Variants in PHF21B observed in about 807,000 individuals in gnomAD.
The protein encoded by PHF21B is PHD finger protein 21B.
PHF21B carries 22 observed loss-of-function variants against 62.2 expected under a neutral mutation model. The ratio of observed to expected loss-of-function variants is 0.35; its 90% confidence interval spans 0.25 to 0.51. The LOEUF is 0.51. Ranked by LOEUF, PHF21B falls within the 20% of genes least tolerant of loss-of-function variation. The pLI is 0.97. For missense variants in PHF21B, 701 were observed against 707.9 expected (o/e 0.99, Z 0.11); for synonymous variants, 341 against 314.7 (o/e 1.08, Z -0.88).
chr22:44,915,121 GCT>G (rs1342612280), intron 4 of PHF21B, among the ~76,000 whole-genome samples: 2 of 152,146 alleles, frequency 1.3e-5, no homozygotes, highest in Non-Finnish European at 2.9e-5. Flanking sequence ...CTTAAGGGAA[GCT>G]CTGTCTTCCT....
At chr22:44,904,523 A>C (rs1019837892) in intron 5 of PHF21B, among the ~76,000 whole-genome samples, 1 of 93,242 alleles carries the variant, frequency 1.1e-5, no homozygotes, top group Non-Finnish European at 2.2e-5. Context: ...GAAGGAACAG[A>C]GCAGCTACTT....
At chr22:44,903,063 C>G (rs1446613624) in intron 5 of PHF21B, among the ~76,000 whole-genome samples, 1 of 152,248 alleles carries the variant, frequency 6.6e-6, no homozygotes, top group African/African-American at 2.4e-5. Context: ...CTTCCCTGTT[C>G]CTGGATGCCT....
At chr22:44,985,770 A>C (rs1208632387) in intron 2 of PHF21B, among the ~76,000 whole-genome samples, 1 of 152,200 alleles carries the variant, frequency 6.6e-6, no homozygotes, top group African/African-American at 2.4e-5. Flanking sequence ...GACAGCTGCC[A>C]TGACCACCAC....
intron 9 of PHF21B, among the ~76,000 whole-genome samples, chr22:44,889,388 C>G (rs2070920393): frequency 6.6e-6 from 1 of 152,142 alleles, no homozygotes; most frequent in South Asian, 2.1e-4. Flanking sequence ...TAACAGAAGA[C>G]CAGGGAGGGC....
chr22:44,979,575 G>A (rs954866581), intron 2 of PHF21B, among the ~76,000 whole-genome samples: 7 of 152,154 alleles, frequency 4.6e-5, no homozygotes, highest in African/African-American at 7.2e-5. Flanking sequence ...GGCCTGTGAC[G>A]TGCCCAGCGC....
rs553784458 is a variant in PHF21B, at chr22:44,892,222, G to A, written c.961-862C>T. Reference sequence around the variant, plus strand: ...GAAAACACCTCCACGATGTTCTTACGAAGGGTCCGAGTCAGGGGACAGAGC... The same window carrying A: ...GAAAACACCTCCACGATGTTCTTACAAAGGGTCCGAGTCAGGGGACAGAGC... On this transcript the variant is annotated intron_variant, in intron 7 of 12. Coordinates refer to ENST00000313237, the MANE Select transcript of PHF21B (RefSeq NM_138415.5). Among the ~76,000 whole-genome samples the A allele has an allele frequency of 2.5e-4, 38 of 152,330 alleles. No homozygotes were observed. In the South Asian group the frequency reaches 7.3e-3, roughly 29 times the overall value.
At chr22:44,978,641 G>A (rs1212681045) in intron 2 of PHF21B, among the ~76,000 whole-genome samples, 1 of 152,218 alleles carries the variant, frequency 6.6e-6, no homozygotes, top group Middle Eastern at 3.2e-3. Flanking sequence ...TTACAGGCGT[G>A]AGCCACCACG....
In PHF21B at chr22:45,009,472, C is replaced by T. The variant is rs1251605452; in HGVS notation, c.54+24G>A. 2.9e-5 allele frequency: 44 copies of T among 1,528,396 alleles called. No individual in the cohort carries two copies. Among genetic ancestry groups the T allele is most frequent in the Non-Finnish European group, 3.8e-5 (44 of 1,144,114 alleles). 94.7% of individuals were successfully genotyped at this position (1,528,396 alleles called of 1,614,324 possible). On this transcript the variant is annotated intron_variant, in intron 1 of 12. Coordinates refer to ENST00000313237, the MANE Select transcript of PHF21B (RefSeq NM_138415.5). This position sits in a 1 kb window ranked among gnomAD's most constrained non-coding sequence, Gnocchi z 5.9. ...CACCCCGCAACACACTCCCCGGCCCCGGGCCCGGCCCCCGGCCACCTACCT... is the reference window on the plus strand; with the variant it reads ...CACCCCGCAACACACTCCCCGGCCCTGGGCCCGGCCCCCGGCCACCTACCT...
chr22:44,926,585 T>C (rs1005087779), intron 2 of PHF21B, among the ~76,000 whole-genome samples: 10 of 152,332 alleles, frequency 6.6e-5, no homozygotes, highest in East Asian at 1.9e-4. Flanking sequence ...CTGTGTGAAG[T>C]TGCTCCTGCA....
intron 2 of PHF21B, among the ~76,000 whole-genome samples, chr22:44,927,071 G>A (rs969468675): frequency 1.3e-5 from 2 of 152,088 alleles, no homozygotes; most frequent in Admixed American, 6.5e-5. Flanking sequence ...TTCACAGCCG[G>A]GGACAGGGAA....
intron 2 of PHF21B, among the ~76,000 whole-genome samples, chr22:44,959,345 A>G (rs1440889477): frequency 2.0e-5 from 3 of 152,176 alleles, no homozygotes; most frequent in Non-Finnish European, 4.4e-5. Flanking sequence ...GGGACTTATC[A>G]CATTTCTGGG....
rs773592306 is a variant in PHF21B at position 44,885,488 on chromosome 22, C to T, written c.1315G>A (p.Glu439Lys). ...EKQKLLQRGSELQNEHQQLEE... is the reference protein window; with the variant it reads ...EKQKLLQRGSKLQNEHQQLEE... ...AGCTGCTGGTGCTCGTTCTGCAGCT[C>T]ACTGCCTCGTTGCAGCAGCTTCTGC... Residue 439 changes from glutamate (E) to lysine (K), a missense_variant, in exon 12 of 13, where the codon GAG becomes AAG. By Grantham distance (56) the Glu-to-Lys change is moderately conservative (BLOSUM62 1). Transcript: ENST00000313237. The T allele has an allele frequency of 3.1e-6, 5 of 1,599,952 alleles. No homozygotes were observed. In the Admixed American group the frequency reaches 6.9e-5, roughly 22 times the overall value.
At chr22:44,921,532 A>C (rs2071537430) in intron 2 of PHF21B, among the ~76,000 whole-genome samples, 1 of 149,348 alleles carries the variant, frequency 6.7e-6, no homozygotes, top group South Asian at 2.1e-4. Context: ...CGCCTGGCTA[A>C]TTTTTTGTAT....
intron 5 of PHF21B, among the ~76,000 whole-genome samples, chr22:44,911,116 A>G (rs1391704002): frequency 1.3e-5 from 2 of 152,184 alleles, no homozygotes; most frequent in African/African-American, 4.8e-5. Flanking sequence ...GAGAGAGATG[A>G]TTTAGGGTAT....
chr22:44,897,869 C>T (rs2071087713), intron 5 of PHF21B, among the ~76,000 whole-genome samples: 1 of 152,080 alleles, frequency 6.6e-6, no homozygotes, highest in Non-Finnish European at 1.5e-5. Flanking sequence ...AGTACAGTGG[C>T]ACAATCATAG....
chr22:44,913,671 G>T (rs1037211238), intron 5 of PHF21B, 151 bp downstream of exon 5: 2 of 1,137,828 alleles, frequency 1.8e-6, no homozygotes, highest in Non-Finnish European at 1.2e-6. Flanking sequence ...GCTTGGCGAG[G>T]CCCCATCCTG....
intron 2 of PHF21B, among the ~76,000 whole-genome samples, chr22:44,957,862 T>C (rs1004495252): frequency 6.6e-6 from 1 of 151,958 alleles, no homozygotes; most frequent in African/African-American, 2.4e-5. Flanking sequence ...GCCTTGTGTG[T>C]CTAAAAGCAG....
intron 2 of PHF21B, among the ~76,000 whole-genome samples, chr22:44,942,564 GAGC>G (rs2071979658): frequency 6.6e-6 from 1 of 152,190 alleles, no homozygotes. Flanking sequence ...GCTGACTGCA[GAGC>G]CCATGTGTGC....
chr22:44,907,242 G>C (rs2071267223), intron 5 of PHF21B, among the ~76,000 whole-genome samples: 2 of 152,198 alleles, frequency 1.3e-5, no homozygotes, highest in South Asian at 2.1e-4. Context: ...ATTGCTGTAG[G>C]TGCCATTTTC....
Sources: gnomAD v4.1 joint callset for allele counts (sites outside exome capture counted in the v4.1 genomes callset) on GRCh38, gnomAD v4.1.1 for gene constraint, Gnocchi (gnomAD v3.1) non-coding constraint, MANE v1.5 for transcripts, NCBI Gene and HGNC (gene_info 2026-07-23, HGNC 2026-07-21) for gene names.